Variants in PLCL2 observed in about 807,000 individuals in gnomAD.
PLCL2 encodes phospholipase C like 2, also known as inactive phospholipase C-like protein 2.
PLCL2 carries 4 observed loss-of-function variants against 79.6 expected under a neutral mutation model. That is an observed-to-expected ratio of 0.05 (90% CI 0.02 to 0.11). PLCL2 has a LOEUF of 0.11. Ranked by LOEUF, PLCL2 falls within the 10% of genes least tolerant of loss-of-function variation. The pLI is 1.00. For synonymous variants in PLCL2, 484 were observed against 457.7 expected (o/e 1.06, Z -0.73); for missense variants, 895 against 1,291.0 (o/e 0.69, Z 4.70).
rs2065257042 is a variant in PLCL2 at position 17,089,937 on chromosome 3, G to A, written c.*25G>A. The stretch of plus-strand genomic sequence containing the variant: ...AGGAAACTTACAATAAACCATTATG[G>A]AGTTTATAACTCTAGGACCAATTGT... On this transcript the variant is annotated 3_prime_UTR_variant, in exon 6 of 6. Transcript: ENST00000615277. 1 of 1,605,684 alleles carries A rather than the reference G, an allele frequency of 6.2e-7. No individual in the cohort carries two copies. Among genetic ancestry groups the A allele is most frequent in the African/African-American group, 1.3e-5 (1 of 74,456 alleles).
chr3:17,061,463 G>A (rs2064953191), intron 4 of PLCL2, among the ~76,000 whole-genome samples: 1 of 151,940 alleles, frequency 6.6e-6, no homozygotes, highest in South Asian at 2.1e-4. Flanking sequence ...TGAAATTTTT[G>A]CACCCATTTA....
At chr3:16,989,277 G>A (rs1217954721) in intron 1 of PLCL2, among the ~76,000 whole-genome samples, 2 of 152,102 alleles carry the variant, frequency 1.3e-5, no homozygotes, top group African/African-American at 4.8e-5. Flanking sequence ...TTTGGGCAAA[G>A]CACCACATTA....
chr3:17,084,482 AAAC>A (rs2065195734), intron 5 of PLCL2, among the ~76,000 whole-genome samples: 1 of 152,214 alleles, frequency 6.6e-6, no homozygotes, highest in African/African-American at 2.4e-5. Flanking sequence ...CAAGAAAAGA[AAAC>A]AATAGACCAG....
intron 4 of PLCL2, among the ~76,000 whole-genome samples, chr3:17,060,490 C>T (rs2064939554): frequency 6.6e-6 from 1 of 152,176 alleles, no homozygotes; most frequent in Non-Finnish European, 1.5e-5. Context: ...AGCAATTAGG[C>T]ATTTCCACAT....
intron 1 of PLCL2, among the ~76,000 whole-genome samples, chr3:16,968,496 A>C (rs531312859): frequency 6.6e-6 from 1 of 152,180 alleles, no homozygotes; most frequent in African/African-American, 2.4e-5. Flanking sequence ...CTCCCTGGTT[A>C]GCTGTATTTA....
At chr3:16,980,301 G>A (rs1405711409) in intron 1 of PLCL2, among the ~76,000 whole-genome samples, 12 of 149,178 alleles carry the variant, frequency 8.0e-5, no homozygotes, top group African/African-American at 2.2e-4. Flanking sequence ...TCTTGGACGG[G>A]GCGGCTGGCC....
chr3:16,985,212 G>A (rs893911615), intron 1 of PLCL2, among the ~76,000 whole-genome samples: 2 of 152,124 alleles, frequency 1.3e-5, no homozygotes, highest in African/African-American at 4.8e-5. Context: ...GGGAATGGTA[G>A]CTCCACTCCG....
intron 1 of PLCL2, among the ~76,000 whole-genome samples, chr3:16,978,301 A>C (rs1224491535): frequency 6.6e-6 from 1 of 152,258 alleles, no homozygotes; most frequent in Non-Finnish European, 1.5e-5. Flanking sequence ...AATGATGGCA[A>C]GACAGATTAA....
intron 4 of PLCL2, among the ~76,000 whole-genome samples, chr3:17,067,366 A>AT (rs1171805640): frequency 2.2e-4 from 34 of 152,228 alleles, no homozygotes; most frequent in African/African-American, 7.7e-4. Flanking sequence ...GGATCTACAG[A>AT]TCTTGCAGAA....
Position 16,949,466 on chromosome 3 carries a change from ATTTG to A in PLCL2, c.328-60204_328-60201del, listed in dbSNP as rs529292380. On this transcript the variant is annotated intron_variant, in intron 1 of 5. Transcript: ENST00000615277. The stretch of plus-strand genomic sequence containing the variant: ...CTTGATCCTATATCCATTTTTAAAT[ATTTG>A]TTTATCTTTTTCTTATTGATTAGTG... Among the ~76,000 whole-genome samples, 8 of 152,154 alleles carry A rather than the reference ATTTG, an allele frequency of 5.3e-5. No homozygotes were observed. The South Asian group carries it at 1.2e-3, about 24-fold the overall frequency.
intron 1 of PLCL2, among the ~76,000 whole-genome samples, chr3:17,002,272 T>C (rs2064219229): frequency 6.6e-6 from 1 of 152,096 alleles, no homozygotes; most frequent in Admixed American, 6.6e-5. Flanking sequence ...ATGGAGTCTT[T>C]AGATTTTTTT....
intron 1 of PLCL2, among the ~76,000 whole-genome samples, chr3:16,997,895 A>T (rs1189182151): frequency 1.3e-5 from 2 of 152,230 alleles, no homozygotes; most frequent in Non-Finnish European, 1.5e-5. Flanking sequence ...CCCAGGAAGA[A>T]GTTATTTTCC....
chr3:17,002,304 A>G (rs2064219449), intron 1 of PLCL2, among the ~76,000 whole-genome samples: 1 of 152,100 alleles, frequency 6.6e-6, no homozygotes, highest in African/African-American at 2.4e-5. Flanking sequence ...CATGTCATCT[A>G]CAAACAAGGA....
At chr3:17,087,312 A>G (rs2065230851) in intron 5 of PLCL2, among the ~76,000 whole-genome samples, 1 of 152,264 alleles carries the variant, frequency 6.6e-6, no homozygotes. Context: ...AGACAATGGA[A>G]TATTATTCAG....
intron 4 of PLCL2, among the ~76,000 whole-genome samples, chr3:17,063,322 T>C (rs1355005053): frequency 1.2e-5 from 1 of 85,838 alleles, no homozygotes; most frequent in African/African-American, 5.1e-5. Context: ...CTTCTTTTTT[T>C]TTAGGATAGA....
At chr3:16,979,682 G>A (rs1199989328) in intron 1 of PLCL2, among the ~76,000 whole-genome samples, 1 of 144,334 alleles carries the variant, frequency 6.9e-6, no homozygotes, top group Non-Finnish European at 1.5e-5. Context: ...AGGATCCCAA[G>A]GCAGAAGAAT....
At chr3:17,086,327 G>A (rs1374814862) in intron 5 of PLCL2, among the ~76,000 whole-genome samples, 1 of 152,194 alleles carries the variant, frequency 6.6e-6, no homozygotes, top group Non-Finnish European at 1.5e-5. Context: ...AGGCAATACA[G>A]TGGAATAGAG....
chr3:16,945,255 CACACACAT>C (rs1311927734), intron 1 of PLCL2, among the ~76,000 whole-genome samples: 25 of 151,862 alleles, frequency 1.6e-4, no homozygotes, highest in Non-Finnish European at 3.2e-4. Flanking sequence ...CACACACACA[CACACACAT>C]ACACACACAT....
intron 4 of PLCL2, among the ~76,000 whole-genome samples, chr3:17,054,559 C>A (rs1381697034): frequency 6.6e-6 from 1 of 152,086 alleles, no homozygotes; most frequent in Non-Finnish European, 1.5e-5. Context: ...GAGCAGTCAT[C>A]TTCACATGGC....
Sources: gnomAD v4.1 joint callset for allele counts (sites outside exome capture counted in the v4.1 genomes callset) on GRCh38, gnomAD v4.1.1 for gene constraint, MANE v1.5 for transcripts, NCBI Gene and HGNC (gene_info 2026-07-23, HGNC 2026-07-21) for gene names.